The following PALM2AKAP2 variants were observed in gnomAD, a reference collection of about 807,000 sequenced individuals.
The protein encoded by PALM2AKAP2 is PALM2 and AKAP2 fusion, also known as PALM2-AKAP2 fusion protein.
In PALM2AKAP2, 37 loss-of-function variants were observed where a neutral mutation model predicts 71.5. That is an observed-to-expected ratio of 0.52 (90% CI 0.40 to 0.68). The LOEUF is 0.68. Among genes scored for constraint, PALM2AKAP2 ranks in the 30% least tolerant of loss-of-function variants. The probability of loss-of-function intolerance (pLI) is 0.00; values close to 1 mark genes in which losing one functional copy is unlikely to be tolerated. For synonymous variants in PALM2AKAP2, 468 were observed against 478.8 expected (o/e 0.98, Z 0.29); for missense variants, 1,224 against 1,191.8 (o/e 1.03, Z -0.40).
Position 109,819,699 on chromosome 9 carries a change from GTGTGTA to G in PALM2AKAP2, c.45+39172_45+39177del, listed in dbSNP as rs1423096490. On this transcript the variant is annotated intron_variant, in intron 1 of 9. Coordinates refer to the PALM2AKAP2 transcript ENST00000302798. ...TAAATAAAGGCCTAATTATGTGTGT[GTGTGTA>G]TGTGTGTGTGTGTGTGTGTGTGTGT... 7.7e-4 allele frequency among the ~76,000 whole-genome samples: 76 copies of G among 98,304 alleles called. 1 individual carries two copies. The highest frequency in any genetic ancestry group is 3.4e-3 in the African/African-American group (47 of 13,756). 64.5% of individuals were successfully genotyped at this position (98,304 alleles called of 152,430 possible). A position where few individuals can be genotyped will look rare whatever the true frequency, so the allele number is the denominator to read the frequency against.
At chr9:110,007,000 A>AT (rs1269519353) in intron 6 of PALM2AKAP2, among the ~76,000 whole-genome samples, 1 of 151,972 alleles carries the variant, frequency 6.6e-6, no homozygotes, top group African/African-American at 2.4e-5. Context: ...TTTATGCTGT[A>AT]TTTTTGATCA....
In PALM2AKAP2 at chr9:110,156,502, G is replaced by A; in HGVS notation, c.2748+5G>A. 6.3e-7 allele frequency: 1 copy of A among 1,592,498 alleles called. No individual in the cohort carries two copies. The highest frequency in any genetic ancestry group is 8.6e-7 in the Non-Finnish European group (1 of 1,167,006). ...GAGAGAATGGATGATAGTAGTGTAA[G>A]TTTTTCCTCCTTTCCTCTTTCACTT... On this transcript the variant is annotated splice_donor_5th_base_variant and intron_variant, in intron 3 of 3. Coordinates refer to ENST00000374525, the Ensembl canonical transcript of PALM2AKAP2.
intron 1 of PALM2AKAP2, among the ~76,000 whole-genome samples, chr9:109,692,247 C>T (rs560463529): frequency 1.1e-3 from 173 of 151,662 alleles, no homozygotes; most frequent in African/African-American, 3.7e-3. Flanking sequence ...CATATAGTAT[C>T]ATAGTTGGTA....
intron 1 of PALM2AKAP2, among the ~76,000 whole-genome samples, chr9:110,132,113 A>G (rs930640650): frequency 3.3e-5 from 5 of 151,392 alleles, no homozygotes; most frequent in African/African-American, 4.9e-5. Flanking sequence ...GTGCCGTGGC[A>G]TGATCTCGGC....
chr9:109,649,647 A>G (rs752271723), intron 1 of PALM2AKAP2, among the ~76,000 whole-genome samples: 44 of 152,232 alleles, frequency 2.9e-4, no homozygotes, highest in Non-Finnish European at 5.9e-4. Flanking sequence ...ATAACTCTGC[A>G]TATAGAATCT....
intron 1 of PALM2AKAP2, among the ~76,000 whole-genome samples, chr9:109,843,301 C>CCAA (rs1554719854): frequency 1.5e-5 from 1 of 66,960 alleles, no homozygotes; most frequent in Non-Finnish European, 2.6e-5. Flanking sequence ...GCCCCTGTCT[C>CCAA]AAAAAAAAAA....
At chr9:109,651,530 G>A (rs749265721) in intron 1 of PALM2AKAP2, among the ~76,000 whole-genome samples, 1 of 152,090 alleles carries the variant, frequency 6.6e-6, no homozygotes, top group Non-Finnish European at 1.5e-5. Flanking sequence ...CTTCCAGCTG[G>A]GATCCTAGCT....
exon 2 of PALM2AKAP2, chr9:110,136,245 T>G (rs1397913188): frequency 6.2e-7 from 1 of 1,614,158 alleles, no homozygotes; most frequent in Non-Finnish European, 8.5e-7. Flanking sequence ...AACATGGAAA[T>G]TGAGGTGTCT....
exon 2 of PALM2AKAP2, chr9:110,138,397 C>T (rs1328871810): frequency 6.2e-7 from 1 of 1,614,194 alleles, no homozygotes; most frequent in Admixed American, 1.7e-5. Context: ...GGACTTTGTC[C>T]ATGATTGAGG....
chr9:109,923,131 T>C (rs1176032529), intron 3 of PALM2AKAP2, among the ~76,000 whole-genome samples: 1 of 152,202 alleles, frequency 6.6e-6, no homozygotes, highest in Non-Finnish European at 1.5e-5. Context: ...GAAATTTCCC[T>C]TTTATAAAAT....
intron 1 of PALM2AKAP2, among the ~76,000 whole-genome samples, chr9:109,849,055 A>G (rs1828938394): frequency 1.3e-5 from 2 of 152,086 alleles, no homozygotes; most frequent in South Asian, 2.1e-4. Flanking sequence ...CACATAGAGG[A>G]GAGGAGAGGA....
chr9:109,777,582 T>C (rs1829366369), upstream of PALM2AKAP2, among the ~76,000 whole-genome samples: 1 of 152,238 alleles, frequency 6.6e-6, no homozygotes, highest in Non-Finnish European at 1.5e-5. Flanking sequence ...TTTGTTTGTT[T>C]TATTTTCAAC....
chr9:109,894,975 G>A (rs1466246870), intron 3 of PALM2AKAP2, among the ~76,000 whole-genome samples: 1 of 152,106 alleles, frequency 6.6e-6, no homozygotes, highest in Admixed American at 6.5e-5. Context: ...TTTGAATCTA[G>A]AAAAGAACTT....
chr9:110,156,865 C>A (rs1428613462), intron 3 of PALM2AKAP2, among the ~76,000 whole-genome samples: 1 of 152,078 alleles, frequency 6.6e-6, no homozygotes, highest in Non-Finnish European at 1.5e-5. Context: ...CTACCATTGC[C>A]CAGTAGAGAT....
chr9:109,771,315 G>T (rs953872217), intron 1 of PALM2AKAP2, among the ~76,000 whole-genome samples: 8 of 152,220 alleles, frequency 5.3e-5, no homozygotes, highest in African/African-American at 9.6e-5. Flanking sequence ...GACTTGGAAA[G>T]TTAGAAGAAG....
At chr9:109,978,343 C>T (rs1832207580) in intron 6 of PALM2AKAP2, among the ~76,000 whole-genome samples, 1 of 152,202 alleles carries the variant, frequency 6.6e-6, no homozygotes, top group Non-Finnish European at 1.5e-5. Flanking sequence ...CTGGGTTCTT[C>T]TGGATGGGCT....
At chr9:110,118,774 C>G (rs757336649) in intron 1 of PALM2AKAP2, among the ~76,000 whole-genome samples, 2 of 152,172 alleles carry the variant, frequency 1.3e-5, no homozygotes, top group Non-Finnish European at 2.9e-5. Context: ...ACTCCCTTCC[C>G]CATTCCAGAG....
intron 1 of PALM2AKAP2, among the ~76,000 whole-genome samples, chr9:110,135,164 A>AAAAAAAAAATATATATATATAT: frequency 4.6e-4 from 24 of 51,716 alleles, no homozygotes; most frequent in African/African-American, 1.2e-3. Flanking sequence ...AAAAAAAAAA[A>AAAAAAAAAATATATATATATAT]ATATATAAAT....
chr9:109,715,838 T>G (rs897706613), intron 1 of PALM2AKAP2, among the ~76,000 whole-genome samples: 1 of 152,236 alleles, frequency 6.6e-6, no homozygotes, highest in African/African-American at 2.4e-5. Context: ...CTTTCTTTTC[T>G]TCTTCCTTCT....
Sources: allele counts gnomAD v4.1 joint callset (sites outside exome capture counted in the v4.1 genomes callset), GRCh38; gene constraint gnomAD v4.1.1; transcripts MANE v1.5; gene names NCBI Gene and HGNC (gene_info 2026-07-23, HGNC 2026-07-21).